INSL6: variants seen among roughly 807,000 people sequenced by gnomAD.
The protein encoded by INSL6 is insulin like 6, also known as insulin-like peptide INSL6.
Under a neutral mutation model 9.4 loss-of-function variants are expected in INSL6, and 16 were observed. The observed-to-expected ratio is 1.70, with a 90% CI of 1.15 to 2.59. The LOEUF (loss-of-function observed/expected upper bound fraction) is 2.59. Ranked by LOEUF, INSL6 falls within the 30% of genes most tolerant of loss-of-function variation. The pLI is 0.00. For missense variants in INSL6, 391 were observed against 257.3 expected (o/e 1.52, Z -3.56); for synonymous variants, 154 against 96.9 (o/e 1.59, Z -3.46).
the INSL6 span, among the ~76,000 whole-genome samples, chr9:5,006,198 G>A: frequency 5.3e-5 from 8 of 152,094 alleles, no homozygotes; most frequent in Admixed American, 1.3e-4. Context: ...TCTCCTTGAA[G>A]AGGTCCTTCA....
the INSL6 span, among the ~76,000 whole-genome samples, chr9:5,035,910 T>G: frequency 1.3e-5 from 2 of 152,110 alleles, no homozygotes; most frequent in East Asian, 1.9e-4. Flanking sequence ...GAAATAAAGG[T>G]TATTTGATTA....
chr9:5,092,839 A>AAACTT, the INSL6 span, among the ~76,000 whole-genome samples: 763 of 152,282 alleles, frequency 5.0e-3, 5 homozygotes, highest in African/African-American at 0.016. Context: ...GTTCAGCTTT[A>AAACTT]AACTTACCCA....
In INSL6 at chr9:5,185,599, G is replaced by C. The variant is rs144566910; in HGVS notation, c.4C>G (p.Pro2Ala). The change falls in exon 1 of 2, where the codon CCG becomes GCG. Residue 2 changes from proline (P) to alanine (A), a missense_variant. Transcript: ENST00000381641. M[P>A]RLLRLSLLWL... is the part of the protein sequence containing the mutation. Reference sequence around the variant, plus strand: ...AGCAGGGACAAGCGGAGGAGCCGCGGCATCCCTGTGACCCCAGGCTAGTCC... The same window carrying C: ...AGCAGGGACAAGCGGAGGAGCCGCGCCATCCCTGTGACCCCAGGCTAGTCC... 6.2e-7 allele frequency: 1 copy of C among 1,611,018 alleles called. No homozygotes were observed. The highest frequency in any genetic ancestry group is 2.2e-5 in the East Asian group (1 of 44,800).
the INSL6 span, among the ~76,000 whole-genome samples, chr9:5,050,354 G>T: frequency 6.6e-6 from 1 of 152,084 alleles, no homozygotes; most frequent in Non-Finnish European, 1.5e-5. Context: ...AGGGTGCAGT[G>T]GTGTGATCAT....
At chr9:5,059,979 A>C in the INSL6 span, among the ~76,000 whole-genome samples, 13 of 152,168 alleles carry the variant, frequency 8.5e-5, no homozygotes, top group African/African-American at 3.1e-4. Flanking sequence ...CATACGTCAG[A>C]GATATTTCTA....
At chr9:5,071,887 G>A in the INSL6 span, among the ~76,000 whole-genome samples, 1 of 152,160 alleles carries the variant, frequency 6.6e-6, no homozygotes, top group African/African-American at 2.4e-5. Flanking sequence ...ACTTTGTAAA[G>A]ATATGCAAGA....
At chr9:5,032,101 A>G in the INSL6 span, among the ~76,000 whole-genome samples, 1 of 152,140 alleles carries the variant, frequency 6.6e-6, no homozygotes, top group African/African-American at 2.4e-5. Flanking sequence ...AATGGCACAT[A>G]TCCCGCGCCT....
chr9:5,172,534 T>A (rs1250386568), intron 1 of INSL6, among the ~76,000 whole-genome samples: 2 of 151,732 alleles, frequency 1.3e-5, no homozygotes, highest in African/African-American at 4.8e-5. Context: ...ACCTACAGAG[T>A]GGGAGGAAAT....
At chr9:5,070,184 T>G in the INSL6 span, 1 of 511,806 alleles carries the variant, frequency 2.0e-6, no homozygotes, top group Non-Finnish European at 3.2e-6. Flanking sequence ...ATATTTTTCT[T>G]ATGAAAAATA....
chr9:5,046,576 C>G, the INSL6 span, among the ~76,000 whole-genome samples: 1 of 152,108 alleles, frequency 6.6e-6, no homozygotes, highest in Non-Finnish European at 1.5e-5. Flanking sequence ...TAATTTTTGT[C>G]TATCGTGAAG....
chr9:5,155,552 A>G (rs1824799189), intron 2 of INSL6, among the ~76,000 whole-genome samples: 1 of 152,002 alleles, frequency 6.6e-6, no homozygotes, highest in Non-Finnish European at 1.5e-5. Flanking sequence ...GAAAAAAGAA[A>G]ATGTGGCAGA....
chr9:5,090,988 C>T, the INSL6 span: 10 of 1,083,772 alleles, frequency 9.2e-6, 1 homozygote, highest in South Asian at 3.4e-5. Context: ...TAATAGTTTG[C>T]CATTTCTATA....
At chr9:5,046,885 C>G in the INSL6 span, among the ~76,000 whole-genome samples, 131 of 152,196 alleles carry the variant, frequency 8.6e-4, 1 homozygote, top group African/African-American at 3.1e-3. Flanking sequence ...TGGGGGTAGG[C>G]TAGTTAAGTC....
At chr9:5,158,709 T>G (rs1263112549) in intron 2 of INSL6, among the ~76,000 whole-genome samples, 1 of 152,092 alleles carries the variant, frequency 6.6e-6, no homozygotes, top group Non-Finnish European at 1.5e-5. Flanking sequence ...GAAAAAATGC[T>G]GAGGAGCTGC....
chr9:5,090,856 C>T, the INSL6 span: 7 of 1,612,736 alleles, frequency 4.3e-6, no homozygotes, highest in Admixed American at 1.0e-4. Context: ...CAAAGTCTTG[C>T]CACAAGACAA....
the INSL6 span, among the ~76,000 whole-genome samples, chr9:5,064,422 C>T: frequency 6.6e-6 from 1 of 150,626 alleles, no homozygotes; most frequent in South Asian, 2.1e-4. Flanking sequence ...CCCAGCTACT[C>T]ATGAGGGTGA....
At chr9:5,076,920 G>C in the INSL6 span, among the ~76,000 whole-genome samples, 2 of 150,932 alleles carry the variant, frequency 1.3e-5, no homozygotes, top group Non-Finnish European at 3.0e-5. Context: ...TGTTTTTCTG[G>C]CAAAATATGT....
At chr9:5,084,994 G>A in the INSL6 span, 24 of 843,112 alleles carry the variant, frequency 2.8e-5, no homozygotes, top group African/African-American at 3.4e-4. Context: ...AGAAAGAGTT[G>A]TCATTTATGT....
At chr9:5,042,952 TC>T in the INSL6 span, among the ~76,000 whole-genome samples, 1 of 152,174 alleles carries the variant, frequency 6.6e-6, no homozygotes, top group Non-Finnish European at 1.5e-5. Flanking sequence ...AGGCACCTGT[TC>T]CCCGAGGCTG....
Sources: gnomAD v4.1 joint callset for allele counts (sites outside exome capture counted in the v4.1 genomes callset) on GRCh38, gnomAD v4.1.1 for gene constraint, MANE v1.5 for transcripts, NCBI Gene and HGNC (gene_info 2026-07-23, HGNC 2026-07-21) for gene names.